ITPR1: variants seen among roughly 807,000 people sequenced by gnomAD.
ITPR1 encodes the protein inositol 1,4,5-trisphosphate receptor type 1.
In ITPR1, 96 loss-of-function variants were observed where a neutral mutation model predicts 318.4. The ratio of observed to expected loss-of-function variants is 0.30; its 90% CI spans 0.26 to 0.36. The LOEUF (loss-of-function observed/expected upper bound fraction) is 0.36, where lower values mean the gene tolerates loss of function less well. Among genes scored for constraint, ITPR1 ranks in the 10% least tolerant of loss-of-function variants. The pLI, the probability that ITPR1 is intolerant of heterozygous loss-of-function variation, is 1.00. For synonymous variants in ITPR1, 1,312 were observed against 1,289.9 expected (o/e 1.02, Z -0.37); for missense variants, 2,440 against 3,460.2 (o/e 0.71, Z 7.40).
At chr3:4,650,794 G>C (rs571645947) in intron 10 of ITPR1, among the ~76,000 whole-genome samples, 1 of 152,234 alleles carries the variant, frequency 6.6e-6, no homozygotes, top group African/African-American at 2.4e-5. Flanking sequence ...GCAGACATGT[G>C]CTGGGTCATT....
In ITPR1 at chr3:4,735,336, A is replaced by C. The variant is rs764248208; in HGVS notation, c.5526A>C (p.Gly1842=). The part of the protein sequence containing the change: ...SILLAIALLE[G]GNTTIQHSFF... Reference sequence around the variant, plus strand: ...TCCTGGCCATTGCCCTTCTGGAAGGAGGCAACACCACCATCCAGGTAGGAA... The same window carrying C: ...TCCTGGCCATTGCCCTTCTGGAAGGCGGCAACACCACCATCCAGGTAGGAA... Residue 1842 remains glycine (G), a synonymous_variant, in exon 44 of 62, where the codon GGA becomes GGC. Transcript: ENST00000649015. 1.9e-6 allele frequency: 3 copies of C among 1,613,798 alleles called. No homozygotes were observed. Among genetic ancestry groups the C allele is most frequent in the South Asian group, 1.1e-5 (1 of 91,080 alleles).
At chr3:4,786,667 G>A (rs190830166) in intron 51 of ITPR1, among the ~76,000 whole-genome samples, 10 of 152,302 alleles carry the variant, frequency 6.6e-5, no homozygotes, top group Non-Finnish European at 7.4e-5. Flanking sequence ...AATCAAGTGC[G>A]CTAGAATTTG....
At chr3:4,723,596 T>C (rs903806858) in intron 40 of ITPR1, among the ~76,000 whole-genome samples, 8 of 151,972 alleles carry the variant, frequency 5.3e-5, no homozygotes, top group Non-Finnish European at 1.2e-4. Context: ...TACCTATTTC[T>C]ATTCTGAAAG....
At chr3:4,530,064 C>G (rs1045377605) in intron 4 of ITPR1, among the ~76,000 whole-genome samples, 5 of 152,146 alleles carry the variant, frequency 3.3e-5, no homozygotes, top group African/African-American at 1.2e-4. Flanking sequence ...ACAAAAATTA[C>G]CCGATTTCTT....
intron 60 of ITPR1, among the ~76,000 whole-genome samples, chr3:4,832,102 A>G (rs1415621769): frequency 1.3e-5 from 2 of 152,216 alleles, no homozygotes; most frequent in African/African-American, 4.8e-5. Flanking sequence ...TATTTAATTA[A>G]AACACTGGTA....
intron 4 of ITPR1, among the ~76,000 whole-genome samples, chr3:4,526,455 T>C (rs73005414): frequency 0.24 from 36,850 of 152,106 alleles, 4,825 homozygotes; most frequent in East Asian, 0.32. Context: ...AGTGTTGACC[T>C]CCAGCGCTGA....
At chr3:4,506,415 T>C (rs555916462) in intron 2 of ITPR1, among the ~76,000 whole-genome samples, 1 of 152,324 alleles carries the variant, frequency 6.6e-6, no homozygotes, top group Non-Finnish European at 1.5e-5. Flanking sequence ...ACTGCCTCTA[T>C]CTTGACTTTC....
intron 57 of ITPR1, 110 bp downstream of exon 57, chr3:4,813,344 A>G (rs1053621551): frequency 5.6e-6 from 4 of 715,760 alleles, no homozygotes; most frequent in East Asian, 2.5e-5. Flanking sequence ...GAGTAAGGCT[A>G]TAGCAAAGGG....
chr3:4,727,579 T>G (rs2042610121), intron 42 of ITPR1, among the ~76,000 whole-genome samples: 1 of 152,182 alleles, frequency 6.6e-6, no homozygotes, highest in African/African-American at 2.4e-5. Flanking sequence ...GTTTGTTATT[T>G]GGGGTGGTTT....
Position 4,842,203 on chromosome 3 carries a change from C to G in ITPR1, c.8191-3936C>G, listed in dbSNP as rs142777342. Among the ~76,000 whole-genome samples, 15 of 152,350 alleles carry G rather than the reference C, an allele frequency of 9.8e-5. No individual in the cohort carries two copies. In the East Asian group the frequency reaches 2.9e-3, roughly 29 times the overall value. On this transcript the variant is annotated intron_variant, in intron 61 of 61. Coordinates refer to ENST00000649015, the MANE Select transcript of ITPR1 (RefSeq NM_001378452.1). ...CAGTCTTTCAGATGTCTGGCTGTAT[C>G]TGACTTGTAAAGCTACACTATTCTT...
chr3:4,804,789 T>C (rs943143304), intron 54 of ITPR1, among the ~76,000 whole-genome samples: 1 of 152,198 alleles, frequency 6.6e-6, no homozygotes, highest in African/African-American at 2.4e-5. Flanking sequence ...GCTTAGCCTG[T>C]CTGAGAAAGC....
chr3:4,778,949 G>A (rs2046648901), intron 48 of ITPR1, among the ~76,000 whole-genome samples: 1 of 152,262 alleles, frequency 6.6e-6, no homozygotes, highest in Non-Finnish European at 1.5e-5. Flanking sequence ...GATGTGGGGT[G>A]TGAACATGGG....
intron 4 of ITPR1, among the ~76,000 whole-genome samples, chr3:4,536,760 TTAAATTACTTC>T (rs1162784924): frequency 1.3e-5 from 2 of 152,224 alleles, no homozygotes; most frequent in Non-Finnish European, 2.9e-5. Flanking sequence ...AGCATGCATT[TTAAATTACTTC>T]TAGTTGACCT....
chr3:4,507,464 C>T lies in ITPR1; in HGVS notation c.-16-9012C>T, dbSNP rs576086199. On this transcript the variant is annotated intron_variant, in intron 2 of 61. Coordinates refer to ENST00000649015, the MANE Select transcript of ITPR1 (RefSeq NM_001378452.1). ...AGTCTGGGTATTGTATGAGATCTTTCTGTTCAGAAAAAAATGCATGGGGAT... is the reference window on the plus strand; with the variant it reads ...AGTCTGGGTATTGTATGAGATCTTTTTGTTCAGAAAAAAATGCATGGGGAT... 6.6e-5 allele frequency among the ~76,000 whole-genome samples: 10 copies of T among 152,184 alleles called. 1 individual carries two copies. The highest frequency in any genetic ancestry group is 1.9e-4 in the East Asian group (1 of 5,186).
At chr3:4,752,295 C>CTAT in intron 44 of ITPR1, among the ~76,000 whole-genome samples, 1 of 152,166 alleles carries the variant, frequency 6.6e-6, no homozygotes, top group Admixed American at 6.5e-5. Context: ...GGGGAGGGAG[C>CTAT]CAGGTTTGGA....
intron 18 of ITPR1, among the ~76,000 whole-genome samples, chr3:4,669,091 C>G (rs538429160): frequency 6.6e-6 from 1 of 152,296 alleles, no homozygotes; most frequent in African/African-American, 2.4e-5. Flanking sequence ...GAAAATAACC[C>G]GCATTTTCTG....
In ITPR1 at chr3:4,675,128, C is replaced by T. The variant is rs1161266328; in HGVS notation, c.2659C>T (p.Arg887Ter). The T allele has an allele frequency of 6.2e-7, 1 of 1,607,116 alleles. No homozygotes were observed. ...FGFYNFSDLL[R>*]LTKILLAILD... ...TTTCTACAACTTCTCTGACCTTCTA[C>T]GATTAACTAAGATCCTTCTGGCCAT... is the stretch of plus-strand genomic sequence containing the variant. Residue 887 changes from arginine (R) to a stop codon, truncating the protein, a stop_gained, in exon 23 of 62, where the codon CGA (arginine) becomes TGA (stop). Coordinates refer to ENST00000649015, the MANE Select transcript of ITPR1 (RefSeq NM_001378452.1). LOFTEE classifies it high-confidence loss of function.
At chr3:4,690,292 A>C (rs2094459931) in intron 31 of ITPR1, among the ~76,000 whole-genome samples, 1 of 152,180 alleles carries the variant, frequency 6.6e-6, no homozygotes, top group Admixed American at 6.5e-5. Context: ...TAAATAAGTA[A>C]ATAAGAACGT....
rs186197763 is a variant in ITPR1, at chr3:4,621,456, C to G, written c.164-6307C>G. Among the ~76,000 whole-genome samples the G allele has an allele frequency of 1.6e-3, 241 of 152,312 alleles. 2 individuals are homozygous for G. Among genetic ancestry groups the G allele is most frequent in the Non-Finnish European group, 9.4e-4 (64 of 68,028 alleles). On this transcript the variant is annotated intron_variant, in intron 4 of 61. Transcript: ENST00000649015. Reference sequence around the variant, plus strand: ...GAGAAATCCACCCCCATGACCCAGTCACTTCCCTCCAGGCCCACCTCCAAA... The same window carrying G: ...GAGAAATCCACCCCCATGACCCAGTGACTTCCCTCCAGGCCCACCTCCAAA...
Sources: allele counts gnomAD v4.1 joint callset (sites outside exome capture counted in the v4.1 genomes callset), GRCh38; gene constraint gnomAD v4.1.1; transcripts MANE v1.5; gene names NCBI Gene and HGNC (gene_info 2026-07-23, HGNC 2026-07-21).